The following SYN3 variants were observed in gnomAD, a reference collection of about 807,000 sequenced individuals.
SYN3 encodes synapsin III, also known as synapsin-3.
SYN3 carries 35 observed loss-of-function variants against 65.8 expected under a neutral mutation model. The ratio of observed to expected loss-of-function variants is 0.53; its 90% CI spans 0.41 to 0.70. The LOEUF is 0.70. Among genes scored for constraint, SYN3 ranks in the 30% least tolerant of loss-of-function variants. The probability of loss-of-function intolerance (pLI) is 0.00; values close to 1 mark genes in which losing one functional copy is unlikely to be tolerated. For missense variants in SYN3, 680 were observed against 749.0 expected (o/e 0.91, Z 1.08); for synonymous variants, 270 against 292.9 (o/e 0.92, Z 0.80).
At chr22:33,045,944 A>T (rs1039100018) in intron 1 of SYN3, among the ~76,000 whole-genome samples, 1 of 152,010 alleles carries the variant, frequency 6.6e-6, no homozygotes, top group Non-Finnish European at 1.5e-5. Flanking sequence ...TGCAAGTCAC[A>T]TATCCAAGAA....
At chr22:32,787,188 C>T (rs916702881) in intron 6 of SYN3, among the ~76,000 whole-genome samples, 1 of 151,748 alleles carries the variant, frequency 6.6e-6, no homozygotes, top group Non-Finnish European at 1.5e-5. Flanking sequence ...GCTGAGATTA[C>T]AGGTGCGTGC....
At position 32,891,451 on chromosome 22, in the gene SYN3, G is replaced by A. The variant is rs374297415; in HGVS notation, c.462-22326C>T. ...CCAGGTCTTCCCACATCCCACTCCA[G>A]CCACTGAGTGATTCCCTCTTCTCTG... On this transcript the variant is annotated intron_variant, in intron 4 of 13. Coordinates refer to ENST00000358763, the MANE Select transcript of SYN3 (RefSeq NM_003490.4). Among the ~76,000 whole-genome samples the A allele has an allele frequency of 2.6e-5, 4 of 152,108 alleles. No homozygotes were observed. The East Asian group carries it at 5.8e-4, about 22-fold the overall frequency.
chr22:33,005,965 T>C (rs1193341008), intron 2 of SYN3, among the ~76,000 whole-genome samples: 1 of 152,186 alleles, frequency 6.6e-6, no homozygotes, highest in Non-Finnish European at 1.5e-5. Flanking sequence ...ATACTCCATA[T>C]CAAACACATT....
intron 6 of SYN3, among the ~76,000 whole-genome samples, chr22:32,796,377 A>G (rs574369397): frequency 5.8e-4 from 89 of 152,294 alleles, no homozygotes; most frequent in African/African-American, 2.0e-3. Context: ...AGAAATATGA[A>G]AACCTGAGGA....
intron 8 of SYN3, among the ~76,000 whole-genome samples, chr22:32,538,968 C>A (rs1002807043): frequency 6.6e-6 from 1 of 152,022 alleles, no homozygotes; most frequent in African/African-American, 2.4e-5. Context: ...CAGTAGGCAC[C>A]TACTGGGTGA....
At chr22:32,637,808 C>T (rs1457785532) in intron 6 of SYN3, among the ~76,000 whole-genome samples, 1 of 151,414 alleles carries the variant, frequency 6.6e-6, no homozygotes, top group Non-Finnish European at 1.5e-5. Flanking sequence ...CAGCTAATTT[C>T]TGTATTTTTA....
intron 6 of SYN3, among the ~76,000 whole-genome samples, chr22:32,598,342 A>G (rs2059233017): frequency 6.6e-6 from 1 of 152,160 alleles, no homozygotes; most frequent in Non-Finnish European, 1.5e-5. Context: ...TATTTTAATC[A>G]CCATTTTACA....
At chr22:32,938,454 C>T (rs1337128685) in intron 3 of SYN3, among the ~76,000 whole-genome samples, 22 of 150,300 alleles carry the variant, frequency 1.5e-4, no homozygotes, top group Non-Finnish European at 2.5e-4. Flanking sequence ...CGCATGAACC[C>T]GGGAGGCAGA....
Position 32,811,260 on chromosome 22 carries a change from C to T in SYN3, c.711+53655G>A, listed in dbSNP as rs143394602. On this transcript the variant is annotated intron_variant, in intron 6 of 13. Transcript: ENST00000358763. The stretch of plus-strand genomic sequence containing the variant: ...CCCCAAAAGTGGGGAGCCAAAGACT[C>T]AGGTGGAGAGGTCGCAAAATGGGTA... 2.0e-3 allele frequency among the ~76,000 whole-genome samples: 312 copies of T among 152,262 alleles called. 3 individuals carry two copies. Among genetic ancestry groups the T allele is most frequent in the African/African-American group, 7.2e-3 (301 of 41,548 alleles).
At chr22:32,513,932 G>T in intron 13 of SYN3, 108 bp from the exon 14 acceptor site, 2 of 1,393,314 alleles carry the variant, frequency 1.4e-6, no homozygotes, top group South Asian at 1.4e-5. Flanking sequence ...ATCATCATAA[G>T]GTTATGAAGA....
At position 32,762,132 on chromosome 22, in the gene SYN3, G is replaced by C. The variant is rs138445509; in HGVS notation, c.711+102783C>G. On this transcript the variant is annotated intron_variant, in intron 6 of 13. Transcript: ENST00000358763. Reference sequence around the variant, plus strand: ...CCTAAGTGCAAGAGAAGGGACTCAAGGCAGCACGTTTATAGCAGTGGGGTA... The same window carrying C: ...CCTAAGTGCAAGAGAAGGGACTCAACGCAGCACGTTTATAGCAGTGGGGTA... 1.3e-3 allele frequency among the ~76,000 whole-genome samples: 202 copies of C among 152,368 alleles called. 1 individual carries two copies. Among genetic ancestry groups the C allele is most frequent in the African/African-American group, 4.5e-3 (189 of 41,578 alleles).
At chr22:32,696,778 G>A (rs1368345753) in intron 6 of SYN3, among the ~76,000 whole-genome samples, 1 of 152,112 alleles carries the variant, frequency 6.6e-6, no homozygotes, top group Non-Finnish European at 1.5e-5. Context: ...CCTCTCTGTA[G>A]GAGAAAGGAG....
At chr22:32,772,073 T>A (rs1400707695) in intron 6 of SYN3, among the ~76,000 whole-genome samples, 1 of 151,976 alleles carries the variant, frequency 6.6e-6, no homozygotes, top group Admixed American at 6.6e-5. Flanking sequence ...CTAGGACATC[T>A]GAAAAAGCCA....
intron 6 of SYN3, among the ~76,000 whole-genome samples, chr22:32,728,664 T>C (rs1230979525): frequency 6.6e-6 from 1 of 152,176 alleles, no homozygotes; most frequent in African/African-American, 2.4e-5. Context: ...ATGACACAGA[T>C]GGGTGTGTTA....
chr22:32,571,747 C>A (rs1489729079), intron 7 of SYN3, among the ~76,000 whole-genome samples: 2 of 152,160 alleles, frequency 1.3e-5, no homozygotes, highest in Non-Finnish European at 2.9e-5. Flanking sequence ...ACAGCAACTG[C>A]AGGGGACTGA....
intron 7 of SYN3, among the ~76,000 whole-genome samples, chr22:32,591,027 A>T (rs923990747): frequency 6.6e-6 from 1 of 152,216 alleles, no homozygotes; most frequent in African/African-American, 2.4e-5. Flanking sequence ...TGTGCTTGAC[A>T]TATATAATGT....
intron 6 of SYN3, among the ~76,000 whole-genome samples, chr22:32,752,368 C>T (rs773398546): frequency 6.6e-6 from 1 of 152,204 alleles, no homozygotes; most frequent in Non-Finnish European, 1.5e-5. Flanking sequence ...CTCCTCACTA[C>T]CAAAATCTTG....
chr22:32,749,913 G>A (rs988188132), intron 6 of SYN3, among the ~76,000 whole-genome samples: 2 of 152,188 alleles, frequency 1.3e-5, no homozygotes, highest in African/African-American at 2.4e-5. Flanking sequence ...GGGTCTGTTT[G>A]AATGAGAGTC....
At chr22:32,987,060 G>T (rs944218947) in intron 2 of SYN3, among the ~76,000 whole-genome samples, 1 of 152,092 alleles carries the variant, frequency 6.6e-6, no homozygotes, top group Non-Finnish European at 1.5e-5. Context: ...GTTCAAACAG[G>T]ACTGTTTTCC....
Sources: allele counts gnomAD v4.1 joint callset (sites outside exome capture counted in the v4.1 genomes callset), GRCh38; gene constraint gnomAD v4.1.1; transcripts MANE v1.5; gene names NCBI Gene and HGNC (gene_info 2026-07-23, HGNC 2026-07-21).